The following PTGES2 variants were observed in gnomAD, a reference collection of about 807,000 sequenced individuals.
The protein encoded by PTGES2 is prostaglandin E synthase 2.
Under a neutral mutation model 44.5 loss-of-function variants are expected in PTGES2, and 35 were observed. The ratio of observed to expected loss-of-function variants is 0.79; its 90% CI spans 0.60 to 1.04. The LOEUF (loss-of-function observed/expected upper bound fraction) is 1.04, where lower values mean the gene tolerates loss of function less well. PTGES2 is among the 50% of genes least tolerant of loss of function. The probability of loss-of-function intolerance (pLI) is 0.00; values close to 1 mark genes in which losing one functional copy is unlikely to be tolerated. For missense variants in PTGES2, 517 were observed against 521.4 expected (o/e 0.99, Z 0.08); for synonymous variants, 221 against 227.5 (o/e 0.97, Z 0.26).
rs2040004 is a variant in PTGES2 at position 128,121,232 on chromosome 9, C to T, written c.1047G>A (p.Ala349=). 0.99 allele frequency: 1,587,508 copies of T among 1,607,260 alleles called. 785,877 individuals are homozygous for T. The highest frequency in any genetic ancestry group is 1 in the East Asian group (44,555 of 44,556). Residue 349 remains alanine, a synonymous_variant, in exon 7 of 7, where the codon GCG becomes GCA. Coordinates refer to ENST00000338961, the MANE Select transcript of PTGES2 (RefSeq NM_025072.7). ...GVLRVMEGLD[A]FDDLMQHTHI... is the part of the protein sequence containing the mutation. ...GCGTGTGCTGCATCAGGTCATCGAA[C>T]GCATCCAGCCCCTCCATCACACGCA...
At position 128,127,477 on chromosome 9, in the gene PTGES2, G is replaced by T; in HGVS notation, c.241C>A (p.Arg81Ser). The change falls in exon 1 of 7, where the codon CGC (arginine) becomes AGC (serine). Residue 81 changes from arginine (R) to serine (S), a missense_variant. Physicochemically the swap from Arg to Ser is moderately radical, Grantham distance 110. Transcript: ENST00000338961. The stretch of plus-strand genomic sequence containing the variant: ...CGCTCTGCGTGGAGGTCCTGGGCGC[G>T]CAGGTGCCACCGCGCCGTGTGGTAC... ...GLYHTARWHL[R>S]AQDLHAERSA... is the part of the protein sequence containing the mutation. 7.1e-7 allele frequency: 1 copy of T among 1,401,970 alleles called. No individual in the cohort carries two copies. The highest frequency in any genetic ancestry group is 9.3e-7 in the Non-Finnish European group (1 of 1,073,616). 86.8% of individuals were successfully genotyped at this position (1,401,970 alleles called of 1,614,324 possible).
chr9:128,123,407 T>C lies in PTGES2; in HGVS notation c.687-273A>G, dbSNP rs1834500086. Among the ~76,000 whole-genome samples the C allele has an allele frequency of 1.3e-5, 2 of 152,096 alleles. No individual in the cohort carries two copies. ...GATTATAGGTGTGTGCCTCCACACC[T>C]AGCTAATTTTTGCATTTTTATAGAG... is the stretch of plus-strand genomic sequence containing the variant. On this transcript the variant is annotated intron_variant, in intron 4 of 6. Transcript: ENST00000338961. The surrounding 1 kb of genome is among the most constrained non-coding windows in gnomAD (Gnocchi z 4.4).
chr9:128,122,447 A>C lies in PTGES2; in HGVS notation c.920T>G (p.Leu307Arg). ...HRLQDNVRED[L>R]YEAADKWVAA... ...CACCCACTTGTCAGCAGCCTCATAG[A>C]GGTCCTCGCGCACGTTGTCCTGGAG... Residue 307 changes from leucine to arginine, a missense_variant, in exon 6 of 7, where the codon CTC becomes CGC. Transcript: ENST00000338961. 10 of 1,614,140 alleles carry C rather than the reference A, an allele frequency of 6.2e-6. No homozygotes were observed. The highest frequency in any genetic ancestry group is 8.5e-6 in the Non-Finnish European group (10 of 1,180,016).
At chr9:128,122,831 C>T in intron 5 of PTGES2, 103 bp downstream of exon 5, 1 of 1,270,702 alleles carries the variant, frequency 7.9e-7, no homozygotes, top group South Asian at 1.3e-5. Flanking sequence ...CTGCCCTAGG[C>T]CTCGGCCTCC....
chr9:128,124,613 C>A, intron 2 of PTGES2, 63 bp from the exon 3 acceptor site: 1 of 1,529,186 alleles, frequency 6.5e-7, no homozygotes, highest in Non-Finnish European at 9.0e-7. Flanking sequence ...TCACCAGGGG[C>A]TCTTTAACAA....
At chr9:128,125,146 C>T in intron 2 of PTGES2, 98 bp downstream of exon 2, 2 of 1,133,650 alleles carry the variant, frequency 1.8e-6, no homozygotes, top group South Asian at 3.1e-5. Context: ...ACAAGGATCA[C>T]AAGTTCCTTC....
chr9:128,128,199 C>G (rs907696530), upstream of PTGES2: 5 of 393,542 alleles, frequency 1.3e-5, no homozygotes, highest in Admixed American at 3.0e-5. Flanking sequence ...GCCCTCCCGC[C>G]TCATTGTCCG....
At chr9:128,128,171 G>GGTGCGCGGCC (rs68101932), upstream of PTGES2, 1 of 222,100 alleles carries the variant, frequency 4.5e-6, no homozygotes. Flanking sequence ...CCCGGCACCA[G>GGTGCGCGGCC]GTGTTGCGGT....
rs1175164495 is a variant in PTGES2 at position 128,123,221 on chromosome 9, G to T, written c.687-87C>A. ...TCTCTAGAACATACCCACTGCACGGGCGGGAAGCTGAAGCCTGAGCAGGAA... is the reference window on the plus strand; with the variant it reads ...TCTCTAGAACATACCCACTGCACGGTCGGGAAGCTGAAGCCTGAGCAGGAA... On this transcript the variant is annotated intron_variant, in intron 4 of 6. Coordinates refer to ENST00000338961, the MANE Select transcript of PTGES2 (RefSeq NM_025072.7). The surrounding 1 kb of genome is among the most constrained non-coding windows in gnomAD (Gnocchi z 4.4). 7.7e-6 allele frequency: 10 copies of T among 1,303,636 alleles called. No homozygotes were observed. The African/African-American group carries it at 1.3e-4, about 17-fold the overall frequency. 80.8% of individuals were successfully genotyped at this position (1,303,636 alleles called of 1,614,324 possible). A position where few individuals can be genotyped will look rare whatever the true frequency, so the allele number is the denominator to read the frequency against.
intron 1 of PTGES2, among the ~76,000 whole-genome samples, chr9:128,125,898 C>A (rs1166565747): frequency 6.6e-6 from 1 of 152,188 alleles, no homozygotes. Context: ...GGGTCTACCT[C>A]CAATCTCTTT....
In PTGES2 at chr9:128,122,935, T is replaced by C; in HGVS notation, c.886A>G (p.Arg296Gly). 1 of 1,614,048 alleles carries C rather than the reference T, an allele frequency of 6.2e-7. No individual in the cohort carries two copies. The highest frequency in any genetic ancestry group is 8.5e-7 in the Non-Finnish European group (1 of 1,180,020). Reference sequence around the variant, plus strand: ...CCCCGGATGTGCACACACACTTGCCTGCTCTTGAGTCGCTTGCTGATGAGG... The same window carrying C: ...CCCCGGATGTGCACACACACTTGCCCGCTCTTGAGTCGCTTGCTGATGAGG... ...MYLISKRLKS[R>G]HRLQDNVRED... The change falls in exon 5 of 7, where the codon AGG becomes GGG. Residue 296 changes from arginine (R) to glycine (G), a missense_variant and splice_region_variant. Coordinates refer to ENST00000338961, the MANE Select transcript of PTGES2 (RefSeq NM_025072.7).
In PTGES2 at chr9:128,125,306, C is replaced by G. The variant is rs1834575302; in HGVS notation, c.415G>C (p.Glu139Gln). The G allele has an allele frequency of 3.1e-6, 5 of 1,613,680 alleles. No homozygotes were observed. Among genetic ancestry groups the G allele is most frequent in the Non-Finnish European group, 4.2e-6 (5 of 1,179,798 alleles). Reference sequence around the variant, plus strand: ...TTTCTGTAGGAGGAGAACTTGATCTCAGCCCTGCGCACAGGGTTCACCTCC... The same window carrying G: ...TTTCTGTAGGAGGAGAACTTGATCTGAGCCCTGCGCACAGGGTTCACCTCC... ...VVEVNPVRRAEIKFSSYRKVP... is the reference protein window; with the variant it reads ...VVEVNPVRRAQIKFSSYRKVP... Residue 139 changes from glutamate (E) to glutamine (Q), a missense_variant, in exon 2 of 7, where the codon GAG becomes CAG. Physicochemically the swap from Glu to Gln is conservative, Grantham distance 29. Transcript: ENST00000338961.
chr9:128,122,952 CTGA>C lies in PTGES2; in HGVS notation c.866_868del (p.Ile289del), dbSNP rs1180232610. Reference sequence around the variant, plus strand: ...CACTTGCCTGCTCTTGAGTCGCTTGCTGATGAGGTACATGGCCGCTGCACCCAT... The same window carrying C: ...CACTTGCCTGCTCTTGAGTCGCTTGCTGAGGTACATGGCCGCTGCACCCAT... On this transcript the variant is annotated inframe_deletion, in exon 5 of 7. Transcript: ENST00000338961. 4 of 1,613,942 alleles carry C rather than the reference CTGA, an allele frequency of 2.5e-6. No homozygotes were observed. The highest frequency in any genetic ancestry group is 2.5e-6 in the Non-Finnish European group (3 of 1,180,024).
intron 2 of PTGES2, 74 bp from the exon 3 acceptor site, chr9:128,124,624 G>T: frequency 6.7e-7 from 1 of 1,490,902 alleles, no homozygotes; most frequent in Non-Finnish European, 9.3e-7. Context: ...TCTTTAACAA[G>T]ACACTCTGGG....
At chr9:128,125,470 A>G in intron 1 of PTGES2, 29 bp from the exon 2 acceptor site, 1 of 1,610,814 alleles carries the variant, frequency 6.2e-7, no homozygotes, top group Non-Finnish European at 8.5e-7. Flanking sequence ...AAAGGCTTCT[A>G]GACCTGGCAC....
At chr9:128,122,118 C>G (rs1473561374) in intron 6 of PTGES2, among the ~76,000 whole-genome samples, 1 of 152,210 alleles carries the variant, frequency 6.6e-6, no homozygotes, top group Non-Finnish European at 1.5e-5. Flanking sequence ...ACCCGGGCCT[C>G]TGGATCCAGC....
Position 128,127,550 on chromosome 9 carries a change from C to G in PTGES2, c.168G>C (p.Pro56=). The change falls in exon 1 of 7, where the codon CCG becomes CCC. Residue 56 remains proline, a synonymous_variant. Coordinates refer to ENST00000338961, the MANE Select transcript of PTGES2 (RefSeq NM_025072.7). ...CCAGCGCCGCAGCTCCCAGCAGCCG[C>G]GGGCTCCCCTTACGAGCTGCAGCCA... is the stretch of plus-strand genomic sequence containing the variant. ...SPVAAARKGS[P]RLLGAAALAL... 7.8e-7 allele frequency: 1 copy of G among 1,289,198 alleles called. No homozygotes were observed. Among genetic ancestry groups the G allele is most frequent in the Non-Finnish European group, 9.8e-7 (1 of 1,018,692 alleles). The allele number at this position is 1,289,198 out of a possible 1,614,324, so 79.9% of individuals were successfully genotyped here.
Position 128,122,415 on chromosome 9 carries a change from C to A in PTGES2, c.952G>T (p.Val318Leu). The change falls in exon 6 of 7, where the codon GTG (valine) becomes TTG (leucine). Residue 318 changes from valine to leucine, a missense_variant. Coordinates refer to ENST00000338961, the MANE Select transcript of PTGES2 (RefSeq NM_025072.7). ...YEAADKWVAA[V>L]GKDRPFMGGQ... The stretch of plus-strand genomic sequence containing the variant: ...CCCATGAAGGGCCGGTCCTTGCCCA[C>A]AGCAGCCACCCACTTGTCAGCAGCC... 6.2e-7 allele frequency: 1 copy of A among 1,614,236 alleles called. No individual in the cohort carries two copies. Among genetic ancestry groups the A allele is most frequent in the Non-Finnish European group, 8.5e-7 (1 of 1,180,046 alleles).
rs368212225 is a variant in PTGES2 at position 128,126,624 on chromosome 9, C to T, written c.279+815G>A. ...CTGTAATCCCAGCACTTTGGGAGGC[C>T]GAGGCGGGTGGCTCATTTGAGGTCA... On this transcript the variant is annotated intron_variant, in intron 1 of 6. Transcript: ENST00000338961. Among the ~76,000 whole-genome samples the T allele has an allele frequency of 4.2e-4, 64 of 152,066 alleles. 1 individual carries two copies. The South Asian group carries it at 0.013, about 31-fold the overall frequency.
Sources: gnomAD v4.1 joint callset for allele counts (sites outside exome capture counted in the v4.1 genomes callset) on GRCh38, gnomAD v4.1.1 for gene constraint, Gnocchi (gnomAD v3.1) non-coding constraint, MANE v1.5 for transcripts, NCBI Gene and HGNC (gene_info 2026-07-23, HGNC 2026-07-21) for gene names.